CCSER1: variants seen among roughly 807,000 people sequenced by gnomAD.
CCSER1 encodes the protein serine-rich coiled-coil domain-containing protein 1.
CCSER1 carries 41 observed loss-of-function variants against 82.0 expected under a neutral mutation model. That is an observed-to-expected ratio of 0.50 (90% CI 0.39 to 0.65). The LOEUF is 0.65. Ranked by LOEUF, CCSER1 falls within the 30% of genes least tolerant of loss-of-function variation. The pLI, the probability that CCSER1 is intolerant of heterozygous loss-of-function variation, is 0.00. For synonymous variants in CCSER1, 414 were observed against 383.9 expected, an observed-to-expected ratio of 1.08 and a Z score of -0.92; for missense variants, 1,119 against 1,064.2, an observed-to-expected ratio of 1.05 and a Z score of -0.72.
intron 8 of CCSER1, chr4:90,838,951 C>T (rs760308399): frequency 6.2e-7 from 1 of 1,613,384 alleles, no homozygotes; most frequent in South Asian, 1.1e-5. Flanking sequence ...CTTTGGAAGG[C>T]AGTGGATTTT....
chr4:91,542,072 GTTGT>G (rs1307668745), intron 10 of CCSER1, among the ~76,000 whole-genome samples: 1 of 152,142 alleles, frequency 6.6e-6, no homozygotes, highest in Non-Finnish European at 1.5e-5. Context: ...TTTTGATGGG[GTTGT>G]TTGATTTTTT....
chr4:91,370,017 A>G (rs1003643925), intron 10 of CCSER1, among the ~76,000 whole-genome samples: 7 of 151,858 alleles, frequency 4.6e-5, no homozygotes, highest in Middle Eastern at 6.8e-3. Flanking sequence ...CTGAACCCTT[A>G]CTTCTAAACT....
intron 5 of CCSER1, among the ~76,000 whole-genome samples, chr4:90,603,390 C>T (rs1329594296): frequency 6.6e-6 from 1 of 152,152 alleles, no homozygotes; most frequent in Non-Finnish European, 1.5e-5. Context: ...TGCCCTTGTG[C>T]CTGTCCTCAG....
chr4:91,043,878 A>G (rs1742207092), intron 9 of CCSER1, among the ~76,000 whole-genome samples: 1 of 152,136 alleles, frequency 6.6e-6, no homozygotes, highest in African/African-American at 2.4e-5. Flanking sequence ...GTGAGCAACC[A>G]CGCCTGGCTC....
At chr4:90,382,252 T>C (rs1198911642) in intron 3 of CCSER1, among the ~76,000 whole-genome samples, 2 of 152,074 alleles carry the variant, frequency 1.3e-5, no homozygotes, top group East Asian at 3.8e-4. Context: ...CTAATAATAT[T>C]TTTTGTTCTC....
rs138077553 is a variant in CCSER1, at chr4:91,163,575, T to C, written c.2217+77581T>C. Among the ~76,000 whole-genome samples the C allele has an allele frequency of 9.3e-3, 1,421 of 152,292 alleles. 10 individuals are homozygous for C. Among genetic ancestry groups the C allele is most frequent in the African/African-American group, 0.022 (932 of 41,552 alleles). On this transcript the variant is annotated intron_variant, in intron 10 of 10. Transcript: ENST00000509176. ...TATTGTTTGGGAGTCTAAGTCTCTT[T>C]GTAGGTCTCTAAGGACTTGGTTTAT...
chr4:90,361,216 A>G (rs1013658191), intron 3 of CCSER1, among the ~76,000 whole-genome samples: 1 of 152,204 alleles, frequency 6.6e-6, no homozygotes, highest in Admixed American at 6.5e-5. Context: ...GATAGTAGCT[A>G]AAAAGTTAAT....
intron 5 of CCSER1, among the ~76,000 whole-genome samples, chr4:90,565,189 AT>A (rs1013006647): frequency 6.6e-5 from 10 of 150,926 alleles, no homozygotes; most frequent in African/African-American, 1.9e-4. Flanking sequence ...TATGTCTTCA[AT>A]TTTTTTTCAT....
intron 10 of CCSER1, among the ~76,000 whole-genome samples, chr4:91,475,549 A>T (rs1411502665): frequency 1.3e-5 from 2 of 151,896 alleles, no homozygotes; most frequent in Non-Finnish European, 2.9e-5. Context: ...TAAGAATCAC[A>T]GTGCCTTGCA....
chr4:91,373,336 G>A (rs555894504), intron 10 of CCSER1, among the ~76,000 whole-genome samples: 2 of 151,972 alleles, frequency 1.3e-5, no homozygotes, highest in Admixed American at 6.6e-5. Flanking sequence ...ACCCCGCCTC[G>A]AGCAAGTCTG....
intron 4 of CCSER1, among the ~76,000 whole-genome samples, chr4:90,416,280 G>C (rs1478745314): frequency 6.6e-6 from 1 of 152,118 alleles, no homozygotes; most frequent in Non-Finnish European, 1.5e-5. Context: ...TAATGAGCCA[G>C]TCTCTTTTTG....
intron 10 of CCSER1, among the ~76,000 whole-genome samples, chr4:91,131,549 G>C (rs1415639472): frequency 1.3e-5 from 2 of 151,828 alleles, no homozygotes; most frequent in Admixed American, 6.6e-5. Flanking sequence ...TAATTGTGAA[G>C]TGTCAAATGT....
intron 2 of CCSER1, among the ~76,000 whole-genome samples, chr4:90,312,135 C>T (rs1350139943): frequency 6.6e-6 from 1 of 152,142 alleles, no homozygotes; most frequent in Non-Finnish European, 1.5e-5. Context: ...ATAAGTCATA[C>T]AGATATTTGA....
intron 8 of CCSER1, among the ~76,000 whole-genome samples, chr4:90,896,034 C>T (rs1027091653): frequency 6.6e-6 from 1 of 151,778 alleles, no homozygotes; most frequent in African/African-American, 2.4e-5. Flanking sequence ...AAGGGCTATA[C>T]TAAACACTGG....
At chr4:90,228,350 C>T (rs1167587578) in intron 1 of CCSER1, among the ~76,000 whole-genome samples, 2 of 152,170 alleles carry the variant, frequency 1.3e-5, no homozygotes, top group Non-Finnish European at 2.9e-5. Flanking sequence ...GAGGCACCCC[C>T]CAGCAGGGGC....
chr4:91,127,496 G>A (rs1171521422), intron 10 of CCSER1, among the ~76,000 whole-genome samples: 1 of 151,934 alleles, frequency 6.6e-6, no homozygotes, highest in Non-Finnish European at 1.5e-5. Flanking sequence ...AGTGTTGCAG[G>A]CACAAATTTG....
At chr4:90,670,171 G>A (rs1283770650) in intron 6 of CCSER1, among the ~76,000 whole-genome samples, 1 of 152,106 alleles carries the variant, frequency 6.6e-6, no homozygotes. Context: ...GTCTCGAATT[G>A]AATACTAAAG....
chr4:90,483,732 T>A (rs570396467), intron 5 of CCSER1, among the ~76,000 whole-genome samples: 2 of 152,246 alleles, frequency 1.3e-5, no homozygotes, highest in Non-Finnish European at 2.9e-5. Flanking sequence ...GAGTTTCTGC[T>A]GAGAGATCAG....
chr4:91,024,866 C>G (rs147046940), intron 9 of CCSER1, among the ~76,000 whole-genome samples: 27 of 152,058 alleles, frequency 1.8e-4, no homozygotes, highest in African/African-American at 6.5e-4. Flanking sequence ...TGATGAGAGA[C>G]AGGTAGAAGA....
Sources: allele counts gnomAD v4.1 joint callset (sites outside exome capture counted in the v4.1 genomes callset), GRCh38; gene constraint gnomAD v4.1.1; transcripts MANE v1.5; gene names NCBI Gene and HGNC (gene_info 2026-07-23, HGNC 2026-07-21).